SGO2: variants seen among roughly 807,000 people sequenced by gnomAD.
The protein encoded by SGO2 is shugoshin-like 2.
In SGO2, 68 loss-of-function variants were observed where a neutral mutation model predicts 99.5. The observed-to-expected ratio is 0.68, with a 90% CI of 0.56 to 0.84. SGO2 has a LOEUF of 0.84. Among genes scored for constraint, SGO2 ranks in the 40% least tolerant of loss-of-function variants. SGO2 has a pLI of 0.00. For missense variants in SGO2, 1,350 were observed against 1,436.7 expected, an observed-to-expected ratio of 0.94 and a Z score of 0.97; for synonymous variants, 457 against 487.1, an observed-to-expected ratio of 0.94 and a Z score of 0.81.
intron 5 of SGO2, among the ~76,000 whole-genome samples, chr2:200,557,063 A>C (rs2106328780): frequency 6.6e-6 from 1 of 152,336 alleles, no homozygotes; most frequent in Non-Finnish European, 1.5e-5. Context: ...CCCATGTCCC[A>C]TGAACATGTA....
At chr2:200,556,438 A>C (rs1294206944) in intron 5 of SGO2, among the ~76,000 whole-genome samples, 1 of 152,262 alleles carries the variant, frequency 6.6e-6, no homozygotes, top group Non-Finnish European at 1.5e-5. Flanking sequence ...TTATGACTTA[A>C]CCATAAGTTA....
chr2:200,575,538 A>G, intron 8 of SGO2, 77 bp downstream of exon 8: 1 of 1,039,138 alleles, frequency 9.6e-7, no homozygotes, highest in Admixed American at 2.3e-5. Flanking sequence ...TTAGTATTTG[A>G]GCACTTCTGA....
In SGO2 at chr2:200,572,197, C is replaced by G. The variant is rs768097349; in HGVS notation, c.1851C>G (p.Asn617Lys). Residue 617 changes from asparagine to lysine, a missense_variant, in exon 7 of 9, where the codon AAC (asparagine) becomes AAG (lysine). Transcript: ENST00000357799. ...SNINKLRKKV[N>K]RKTEIISGMN... ...TTAATAAGCTTAGAAAGAAAGTAAA[C>G]CGGAAGACAGAAATAATTTCTGGAA... is the stretch of plus-strand genomic sequence containing the variant. 4 of 1,612,322 alleles carry G rather than the reference C, an allele frequency of 2.5e-6. No individual in the cohort carries two copies. Among genetic ancestry groups the G allele is most frequent in the Non-Finnish European group, 3.4e-6 (4 of 1,179,416 alleles).
chr2:200,547,932 A>G (rs34771762), intron 5 of SGO2, among the ~76,000 whole-genome samples: 7,277 of 151,918 alleles, frequency 0.048, 248 homozygotes, highest in Middle Eastern at 0.12. Context: ...TAAGGGGTCA[A>G]TTCAACCAGA....
chr2:200,553,453 G>T (rs1167171614), intron 5 of SGO2, among the ~76,000 whole-genome samples: 1 of 152,022 alleles, frequency 6.6e-6, no homozygotes, highest in African/African-American at 2.4e-5. Context: ...ACCACTGATG[G>T]GTTCACAGGA....
chr2:200,549,529 A>T (rs569651789), intron 5 of SGO2, among the ~76,000 whole-genome samples: 3 of 152,184 alleles, frequency 2.0e-5, no homozygotes, highest in African/African-American at 7.2e-5. Context: ...GTCAAATTCA[A>T]CAACACATTA....
intron 5 of SGO2, among the ~76,000 whole-genome samples, chr2:200,554,960 C>T (rs1221701853): frequency 6.6e-6 from 1 of 152,038 alleles, no homozygotes. Flanking sequence ...TGCTTTTATT[C>T]CAATGTTCAA....
intron 5 of SGO2, among the ~76,000 whole-genome samples, chr2:200,544,376 G>A (rs192582994): frequency 2.6e-5 from 4 of 152,252 alleles, no homozygotes; most frequent in African/African-American, 7.2e-5. Flanking sequence ...CCACCTGCCG[G>A]GTTCAAGTGA....
Position 200,572,917 on chromosome 2 carries a change from A to G in SGO2, c.2571A>G (p.Gln857=). 6.3e-7 allele frequency: 1 copy of G among 1,594,900 alleles called. No homozygotes were observed. The highest frequency in any genetic ancestry group is 8.5e-7 in the Non-Finnish European group (1 of 1,174,132). ...AAGAAACAATTTCTGAAAATCTACA[A>G]GTCACAAATGAATTTCAAACAGTTG... ...KDKETISENL[Q]VTNEFQTVDL... Residue 857 remains glutamine (Q), a synonymous_variant, in exon 7 of 9, where the codon CAA becomes CAG. Transcript: ENST00000357799.
Position 200,570,014 on chromosome 2 carries a change from A to G in SGO2, c.703+122A>G. ...AGCTCTCTTATGTTACCGATTTGCT[A>G]ACTTCTGCCATTTAAAACTGCTGGT... On this transcript the variant is annotated intron_variant, in intron 6 of 8. Coordinates refer to ENST00000357799, the MANE Select transcript of SGO2 (RefSeq NM_152524.6). The surrounding 1 kb of genome is among the most constrained non-coding windows in gnomAD (Gnocchi z 4.4). 1.5e-6 allele frequency: 1 copy of G among 645,354 alleles called. No individual in the cohort carries two copies. Among genetic ancestry groups the G allele is most frequent in the South Asian group, 2.1e-5 (1 of 46,686 alleles). The allele number at this position is 645,354 out of a possible 1,614,324, so 40.0% of individuals were successfully genotyped here.
intron 3 of SGO2, 106 bp downstream of exon 3, chr2:200,535,277 T>G: frequency 2.9e-6 from 3 of 1,020,120 alleles, no homozygotes; most frequent in Non-Finnish European, 4.1e-6. Flanking sequence ...TAGTGAAAAA[T>G]TATTGAAAGT....
chr2:200,573,422 A>G lies in SGO2; in HGVS notation c.3076A>G (p.Ile1026Val). The G allele has an allele frequency of 1.9e-6, 3 of 1,607,994 alleles. No homozygotes were observed. The highest frequency in any genetic ancestry group is 2.2e-5 in the South Asian group (2 of 89,330). The change falls in exon 7 of 9, where the codon ATT becomes GTT. Residue 1026 changes from isoleucine (I) to valine (V), a missense_variant. Physicochemically the swap from Ile to Val is conservative, Grantham distance 29. Transcript: ENST00000357799. ...CTCCTTAGAATCTGATTTAAAACAT[A>G]TTACTAGTGAAGCAGATTCTGATCC... ...SISLESDLKH[I>V]TSEADSDPGN...
chr2:200,540,896 A>C (rs2031932466), intron 4 of SGO2, among the ~76,000 whole-genome samples: 1 of 152,074 alleles, frequency 6.6e-6, no homozygotes, highest in African/African-American at 2.4e-5. Flanking sequence ...TTCTTTTTTC[A>C]TTTGAGATTT....
chr2:200,579,197 A>T (rs1265384604), intron 8 of SGO2, among the ~76,000 whole-genome samples: 1 of 152,218 alleles, frequency 6.6e-6, no homozygotes, highest in East Asian at 1.9e-4. Context: ...CGTATATATG[A>T]AAGCTGTTGA....
At chr2:200,532,265 G>GTTTTTTTTTT (rs199785070) in intron 1 of SGO2, 1 of 443,852 alleles carries the variant, frequency 2.3e-6, no homozygotes, top group African/African-American at 3.2e-5. Flanking sequence ...AGGTGACAGA[G>GTTTTTTTTTT]TTTTTTGTTT....
intron 5 of SGO2, among the ~76,000 whole-genome samples, chr2:200,560,456 T>C (rs1559210133): frequency 1.3e-5 from 2 of 152,102 alleles, no homozygotes; most frequent in Non-Finnish European, 1.5e-5. Context: ...AGAAGTTCCC[T>C]TTTTTCTGGT....
intron 4 of SGO2, among the ~76,000 whole-genome samples, chr2:200,541,425 G>T (rs1015018617): frequency 6.6e-6 from 1 of 152,076 alleles, no homozygotes; most frequent in Non-Finnish European, 1.5e-5. Flanking sequence ...GCCCTGTCTT[G>T]CCTTTCCTAT....
At chr2:200,536,007 A>G in intron 3 of SGO2, 58 bp from the exon 4 acceptor site, 1 of 1,092,662 alleles carries the variant, frequency 9.2e-7, no homozygotes, top group Non-Finnish European at 1.3e-6. Flanking sequence ...AATGCCTGAT[A>G]TTATAATAAA....
intron 2 of SGO2, 42 bp from the exon 3 acceptor site, chr2:200,534,954 G>T: frequency 7.3e-7 from 1 of 1,366,490 alleles, no homozygotes; most frequent in Non-Finnish European, 9.7e-7. Flanking sequence ...ATTTCTTAAG[G>T]TATAAGCTGA....
Sources: allele counts gnomAD v4.1 joint callset (sites outside exome capture counted in the v4.1 genomes callset), GRCh38; gene constraint gnomAD v4.1.1; non-coding constraint Gnocchi (gnomAD v3.1); transcripts MANE v1.5; gene names NCBI Gene and HGNC (gene_info 2026-07-23, HGNC 2026-07-21).